The following TET1 variants were observed in gnomAD, a reference collection of about 807,000 sequenced individuals.
The protein encoded by TET1 is methylcytosine dioxygenase TET1.
Under a neutral mutation model 148.7 loss-of-function variants are expected in TET1, and 13 were observed. The ratio of observed to expected loss-of-function variants is 0.09; its 90% confidence interval spans 0.06 to 0.14. The LOEUF (loss-of-function observed/expected upper bound fraction) is 0.14. TET1 is among the 10% of genes least tolerant of loss of function. The pLI is 1.00. For missense variants in TET1, 2,182 were observed against 2,553.8 expected (o/e 0.85, Z 3.14); for synonymous variants, 907 against 937.2 (o/e 0.97, Z 0.59).
chr10:68,624,099 C>CTTTCTTTTTTTTTTTTTTTTTT (rs1554937832), intron 3 of TET1, among the ~76,000 whole-genome samples: 1 of 148,032 alleles, frequency 6.8e-6, no homozygotes, highest in Admixed American at 6.8e-5. Context: ...TTCTTTCTTT[C>CTTTCTTTTTTTTTTTTTTTTTT]TTTTCTTTTT....
chr10:68,691,401 A>G lies in TET1; in HGVS notation c.5998A>G (p.Ile2000Val), dbSNP rs1223489717. 1 of 1,614,002 alleles carries G rather than the reference A, an allele frequency of 6.2e-7. No homozygotes were observed. The highest frequency in any genetic ancestry group is 8.5e-7 in the Non-Finnish European group (1 of 1,180,034). ...TGAGTATTGGTCAGACAGTGAGCAC[A>G]TCTTTTTGGATGCAAATATTGGTGG... ...IDEYWSDSEH[I>V]FLDANIGGVA... The change falls in exon 12 of 12, where the codon ATC (isoleucine) becomes GTC (valine). Residue 2000 changes from isoleucine to valine, a missense_variant. Around this residue, in one of 11 missense-constraint regions of TET1, gnomAD observed 11 missense variants for 44.0 expected, o/e 0.25. Coordinates refer to ENST00000373644, the MANE Select transcript of TET1 (RefSeq NM_030625.3). This position sits in a 1 kb window ranked among gnomAD's most constrained non-coding sequence, Gnocchi z 4.4.
intron 8 of TET1, chr10:68,673,447 A>G: frequency 2.4e-6 from 1 of 413,582 alleles, no homozygotes; most frequent in Non-Finnish European, 4.9e-6. Context: ...GAAAGAAGAT[A>G]TATGAAACCG....
intron 2 of TET1, among the ~76,000 whole-genome samples, chr10:68,598,696 CTTTCT>C (rs2054015884): frequency 7.2e-6 from 1 of 138,962 alleles, no homozygotes; most frequent in Non-Finnish European, 1.6e-5. Flanking sequence ...TTTTCTTTTT[CTTTCT>C]TTTTTTTTTT....
At chr10:68,634,667 G>A (rs572385055) in intron 3 of TET1, among the ~76,000 whole-genome samples, 1 of 152,294 alleles carries the variant, frequency 6.6e-6, no homozygotes, top group African/African-American at 2.4e-5. Flanking sequence ...AGTGGGAGAT[G>A]CAAATGAGAG....
chr10:68,596,089 A>G (rs984608556), intron 2 of TET1, among the ~76,000 whole-genome samples: 8 of 143,554 alleles, frequency 5.6e-5, no homozygotes, highest in African/African-American at 1.3e-4. Context: ...CCCAGGCTGC[A>G]GTGCAGTGGC....
At chr10:68,560,916 C>T (rs1028173438) in intron 1 of TET1, among the ~76,000 whole-genome samples, 174 bp downstream of exon 1, 24 of 152,174 alleles carry the variant, frequency 1.6e-4, no homozygotes, top group Admixed American at 9.8e-4. Flanking sequence ...CGACCCCCCA[C>T]CCCGGGACGC....
At chr10:68,571,581 G>A (rs1357767318) in intron 1 of TET1, among the ~76,000 whole-genome samples, 2 of 151,158 alleles carry the variant, frequency 1.3e-5, no homozygotes, top group Non-Finnish European at 2.9e-5. Context: ...TGTATTTTTA[G>A]TAGAGATGGG....
chr10:68,658,981 A>G (rs1292239266), intron 6 of TET1, among the ~76,000 whole-genome samples: 3 of 152,108 alleles, frequency 2.0e-5, no homozygotes, highest in Non-Finnish European at 4.4e-5. Context: ...TAAACCCAGC[A>G]CTTTGGGAGG....
At chr10:68,686,021 A>G (rs1030537050) in intron 10 of TET1, among the ~76,000 whole-genome samples, 3 of 152,222 alleles carry the variant, frequency 2.0e-5, no homozygotes, top group African/African-American at 7.2e-5. Context: ...CACAATAAAC[A>G]TAGTTCAATA....
At chr10:68,635,182 T>G (rs970961356) in intron 3 of TET1, among the ~76,000 whole-genome samples, 5 of 151,722 alleles carry the variant, frequency 3.3e-5, no homozygotes, top group African/African-American at 1.2e-4. Context: ...TTCTCAAATG[T>G]TGGAGGACAA....
Position 68,691,498 on chromosome 10 carries a change from C to A in TET1, c.6095C>A (p.Pro2032His), listed in dbSNP as rs1404939255. 6.2e-7 allele frequency: 1 copy of A among 1,614,076 alleles called. No individual in the cohort carries two copies. The highest frequency in any genetic ancestry group is 8.5e-7 in the Non-Finnish European group (1 of 1,180,032). Residue 2032 changes from proline to histidine, a missense_variant, in exon 12 of 12, where the codon CCT (proline) becomes CAT (histidine). Physicochemically the swap from Pro to His is moderately conservative, Grantham distance 77. This residue lies in a region of TET1 where 20 missense variants were observed against 23.9 expected (regional missense o/e 0.84). Coordinates refer to ENST00000373644, the MANE Select transcript of TET1 (RefSeq NM_030625.3). The surrounding 1 kb of genome is among the most constrained non-coding windows in gnomAD (Gnocchi z 4.4). ...CARRELHATTPVEHPNRNHPT... is the reference protein window; with the variant it reads ...CARRELHATTHVEHPNRNHPT... ...CGGCGAGAGCTGCACGCTACCACTCCTGTTGAGCACCCCAACCGTAATCAT... is the reference window on the plus strand; with the variant it reads ...CGGCGAGAGCTGCACGCTACCACTCATGTTGAGCACCCCAACCGTAATCAT...
chr10:68,598,217 C>T (rs2054009639), intron 2 of TET1, among the ~76,000 whole-genome samples: 1 of 152,094 alleles, frequency 6.6e-6, no homozygotes, highest in Non-Finnish European at 1.5e-5. Flanking sequence ...GGTGAAACCT[C>T]GTCTCCACCA....
chr10:68,624,332 C>T (rs1318500911), intron 3 of TET1, among the ~76,000 whole-genome samples: 1 of 151,922 alleles, frequency 6.6e-6, no homozygotes, highest in East Asian at 1.9e-4. Context: ...TCTTGTTGCC[C>T]AGGCTGGAGT....
rs1339669206 is a variant in TET1, at chr10:68,652,492, T to C, written c.4368-9T>C. ...TTAGTACATTCCCTTCACTGTGTTT[T>C]ATACTCAGGTATGGTCAAAAAGGAA... On this transcript the variant is annotated splice_polypyrimidine_tract_variant and intron_variant, in intron 5 of 11. Coordinates refer to ENST00000373644, the MANE Select transcript of TET1 (RefSeq NM_030625.3). The C allele has an allele frequency of 6.3e-7, 1 of 1,595,324 alleles. No homozygotes were observed. The highest frequency in any genetic ancestry group is 1.3e-5 in the African/African-American group (1 of 74,320).
In TET1 at chr10:68,645,057, A is replaced by G. The variant is rs147562903; in HGVS notation, c.2328A>G (p.Lys776=). The G allele has an allele frequency of 3.7e-4, 596 of 1,612,898 alleles. 1 individual carries two copies. In the African/African-American group the frequency reaches 7.1e-3, roughly 19 times the overall value. ...CTGAAACAAATGTTTCATTTAAAAA[A>G]TTCAATATTGAAGAATTCGGCAAGA... ...LPAETNVSFK[K]FNIEEFGKTL... is the part of the protein sequence containing the mutation. Residue 776 remains lysine, a synonymous_variant, in exon 4 of 12, where the codon AAA becomes AAG. Transcript: ENST00000373644.
At position 68,565,475 on chromosome 10, in the gene TET1, A is replaced by AAT. The variant is rs71019031; in HGVS notation, c.-123+4756_-123+4757dup. ...AGCAAGACCCTGTTTAAAAAAAAAA[A>AAT]ATATATATATATATATATATATATG... On this transcript the variant is annotated intron_variant, in intron 1 of 11. Transcript: ENST00000373644. 1.5e-3 allele frequency among the ~76,000 whole-genome samples: 193 copies of AAT among 129,208 alleles called. 2 individuals are homozygous for AAT. Among genetic ancestry groups the AAT allele is most frequent in the South Asian group, 4.7e-3 (18 of 3,858 alleles). The allele number at this position is 129,208 out of a possible 152,430, so 84.8% of individuals were successfully genotyped here. A position where few individuals can be genotyped will look rare whatever the true frequency, so the allele number is the denominator to read the frequency against.
chr10:68,691,081 C>T lies in TET1; in HGVS notation c.5678C>T (p.Ala1893Val). 6.2e-7 allele frequency: 1 copy of T among 1,614,218 alleles called. No homozygotes were observed. The highest frequency in any genetic ancestry group is 8.5e-7 in the Non-Finnish European group (1 of 1,180,036). ...MPSGRLSGAN[A>V]AAADGPGISQ... ...TCGGGAAGACTCAGTGGTGCCAATGCAGCTGCTGCTGATGGCCCTGGCATT... is the reference window on the plus strand; with the variant it reads ...TCGGGAAGACTCAGTGGTGCCAATGTAGCTGCTGCTGATGGCCCTGGCATT... Residue 1893 changes from alanine to valine, a missense_variant, in exon 12 of 12, where the codon GCA becomes GTA. This residue lies in a region of TET1 where 380 missense variants were observed against 387.9 expected (regional missense o/e 0.98). Transcript: ENST00000373644. The surrounding 1 kb of genome is among the most constrained non-coding windows in gnomAD (Gnocchi z 4.4).
chr10:68,628,144 G>T (rs796260524), intron 3 of TET1, among the ~76,000 whole-genome samples: 2 of 152,066 alleles, frequency 1.3e-5, no homozygotes, highest in African/African-American at 4.8e-5. Context: ...GATGGGTTTC[G>T]CCATGTTGGC....
intron 2 of TET1, among the ~76,000 whole-genome samples, chr10:68,599,150 T>C (rs966039683): frequency 6.6e-6 from 1 of 152,236 alleles, no homozygotes; most frequent in African/African-American, 2.4e-5. Context: ...GGTGATGAAA[T>C]GCAGGCCTTC....
Sources: gnomAD v4.1 joint callset for allele counts (sites outside exome capture counted in the v4.1 genomes callset) on GRCh38, gnomAD v4.1.1 for gene constraint, gnomAD v4.1.1 regional missense constraint, Gnocchi (gnomAD v3.1) non-coding constraint, MANE v1.5 for transcripts, NCBI Gene and HGNC (gene_info 2026-07-23, HGNC 2026-07-21) for gene names.